Variants in TSGA10 observed in about 807,000 individuals in gnomAD.
TSGA10 encodes testis-specific gene 10 protein.
In TSGA10, 43 loss-of-function variants were observed where a neutral mutation model predicts 96.6. That is an observed-to-expected ratio of 0.44 (90% confidence interval 0.35 to 0.57). The LOEUF is 0.57. Ranked by LOEUF, TSGA10 falls within the 20% of genes least tolerant of loss-of-function variation. The probability of loss-of-function intolerance (pLI) is 0.01; values close to 1 mark genes in which losing one functional copy is unlikely to be tolerated. For synonymous variants in TSGA10, 229 were observed against 269.9 expected (o/e 0.85, Z 1.48); for missense variants, 703 against 834.4 (o/e 0.84, Z 1.94).
At chr2:98,998,958 A>G (rs1299310245) in intron 20 of TSGA10, among the ~76,000 whole-genome samples, 2 of 152,126 alleles carry the variant, frequency 1.3e-5, no homozygotes, top group Non-Finnish European at 2.9e-5. Flanking sequence ...GTGCAGTGAC[A>G]TGATCTCAGC....
chr2:99,009,753 A>G (rs1003116299), intron 20 of TSGA10, among the ~76,000 whole-genome samples: 1 of 152,130 alleles, frequency 6.6e-6, no homozygotes, highest in East Asian at 1.9e-4. Context: ...GAACATATAT[A>G]TAAGTAATGG....
rs150398922 is a variant in TSGA10, at chr2:99,064,158, G to A, written c.1404+781C>T. ...TATAGCTTTTTAAAATTCACTTCCA[G>A]GCATAAATATAGGGAAACATGTAGT... On this transcript the variant is annotated intron_variant, in intron 16 of 20. Coordinates refer to ENST00000393483, the MANE Select transcript of TSGA10 (RefSeq NM_025244.4). 3.3e-5 allele frequency among the ~76,000 whole-genome samples: 5 copies of A among 152,100 alleles called. 1 individual carries two copies. The East Asian group carries it at 9.6e-4, about 29-fold the overall frequency.
intron 18 of TSGA10, 66 bp from the exon 19 acceptor site, chr2:99,018,706 A>G: frequency 7.4e-7 from 1 of 1,347,660 alleles, no homozygotes; most frequent in Non-Finnish European, 1.0e-6. Flanking sequence ...TCTGGGGTAC[A>G]TGAAACCATA....
intron 11 of TSGA10, among the ~76,000 whole-genome samples, chr2:99,079,881 A>C (rs1000335725): frequency 6.6e-6 from 1 of 152,134 alleles, no homozygotes; most frequent in African/African-American, 2.4e-5. Flanking sequence ...CATATGCCAA[A>C]AGCTTGATCT....
At chr2:99,130,238 T>C (rs1017976957) in intron 1 of TSGA10, among the ~76,000 whole-genome samples, 2 of 152,202 alleles carry the variant, frequency 1.3e-5, no homozygotes, top group African/African-American at 2.4e-5. Context: ...GAATTTACAC[T>C]CCCACCAACA....
intron 16 of TSGA10, among the ~76,000 whole-genome samples, chr2:99,038,371 T>C (rs2081861305): frequency 6.6e-6 from 1 of 152,126 alleles, no homozygotes; most frequent in Non-Finnish European, 1.5e-5. Flanking sequence ...GCAGAATTGA[T>C]AAGAATACAC....
At chr2:99,036,465 T>C (rs1486374723) in intron 16 of TSGA10, among the ~76,000 whole-genome samples, 1 of 152,128 alleles carries the variant, frequency 6.6e-6, no homozygotes, top group Non-Finnish European at 1.5e-5. Context: ...AGAGAAGTCA[T>C]ATATTAATCA....
intron 7 of TSGA10, among the ~76,000 whole-genome samples, chr2:99,108,043 A>C (rs1415011414): frequency 1.3e-5 from 2 of 152,050 alleles, no homozygotes; most frequent in South Asian, 4.1e-4. Context: ...GGTAATAGAA[A>C]CTCCATTCAT....
intron 4 of TSGA10, among the ~76,000 whole-genome samples, chr2:99,113,392 A>G (rs2091977755): frequency 6.6e-6 from 1 of 152,090 alleles, no homozygotes; most frequent in Non-Finnish European, 1.5e-5. Context: ...GTGGAGGGAG[A>G]ATAAACTTCC....
chr2:99,053,294 A>G (rs1414644548), intron 16 of TSGA10, among the ~76,000 whole-genome samples: 1 of 151,984 alleles, frequency 6.6e-6, no homozygotes, highest in African/African-American at 2.4e-5. Context: ...GTTTTCTACA[A>G]ATTTTCTACA....
At chr2:99,000,485 G>T (rs956930732) in intron 20 of TSGA10, among the ~76,000 whole-genome samples, 1 of 151,558 alleles carries the variant, frequency 6.6e-6, no homozygotes, top group Non-Finnish European at 1.5e-5. Flanking sequence ...ACTCCAGTCT[G>T]GGGGACAAGA....
Position 99,069,046 on chromosome 2 carries a change from C to T in TSGA10, c.1108-48G>A, listed in dbSNP as rs751178291. The T allele has an allele frequency of 2.4e-5, 24 of 1,008,252 alleles. 1 individual carries two copies. The South Asian group carries it at 2.9e-4, about 12-fold the overall frequency. 62.5% of individuals were successfully genotyped at this position (1,008,252 alleles called of 1,614,324 possible). On this transcript the variant is annotated intron_variant, in intron 14 of 20. Transcript: ENST00000393483. Reference sequence around the variant, plus strand: ...TTTGACTATGAAAAATAAAAAATTTCTATATCTCAAAAATACCATAAACAA... The same window carrying T: ...TTTGACTATGAAAAATAAAAAATTTTTATATCTCAAAAATACCATAAACAA...
At chr2:99,029,207 A>G (rs958792833) in intron 17 of TSGA10, among the ~76,000 whole-genome samples, 2 of 152,156 alleles carry the variant, frequency 1.3e-5, no homozygotes, top group Admixed American at 6.5e-5. Flanking sequence ...GAGATTCTCC[A>G]AAGCACTTCT....
rs1444378128 is a variant in TSGA10, at chr2:99,102,671, CA to C, written c.611+1295del. The C allele has an allele frequency of 1.7e-5, 28 of 1,613,818 alleles. No individual in the cohort carries two copies. In the East Asian group the frequency reaches 6.0e-4, roughly 35 times the overall value. On this transcript the variant is annotated intron_variant, in intron 10 of 20. Coordinates refer to ENST00000393483, the MANE Select transcript of TSGA10 (RefSeq NM_025244.4). ...CTGACAAATTCTATGGTGTAAAGTT[CA>C]GAAATAAGGTTAGTCATATTGATGT...
intron 5 of TSGA10, 124 bp from the exon 6 acceptor site, chr2:99,109,636 A>G (rs1305616853): frequency 1.4e-6 from 1 of 710,216 alleles, no homozygotes. Context: ...GAAAACAAAC[A>G]GGATCCTTAA....
intron 14 of TSGA10, among the ~76,000 whole-genome samples, chr2:99,070,343 A>G (rs2085802400): frequency 6.6e-6 from 1 of 152,132 alleles, no homozygotes; most frequent in Non-Finnish European, 1.5e-5. Context: ...ACACGCAGAG[A>G]GCAAGATTCA....
intron 10 of TSGA10, chr2:99,101,882 A>T (rs2090789436): frequency 1.6e-5 from 9 of 573,418 alleles, no homozygotes; most frequent in Non-Finnish European, 2.8e-5. Flanking sequence ...CCAAGGATTG[A>T]CTGGAGGGGG....
intron 16 of TSGA10, among the ~76,000 whole-genome samples, chr2:99,061,707 T>C (rs149665228): frequency 1.3e-4 from 20 of 152,342 alleles, no homozygotes; most frequent in African/African-American, 4.6e-4. Context: ...ACAGAAATTA[T>C]ATTCCTCACG....
chr2:99,131,281 G>C (rs2093069052), intron 1 of TSGA10, among the ~76,000 whole-genome samples: 1 of 152,144 alleles, frequency 6.6e-6, no homozygotes, highest in Non-Finnish European at 1.5e-5. Flanking sequence ...CCATTTGTTT[G>C]TGTCCTCTCT....
Sources: gnomAD v4.1 joint callset for allele counts (sites outside exome capture counted in the v4.1 genomes callset) on GRCh38, gnomAD v4.1.1 for gene constraint, MANE v1.5 for transcripts, NCBI Gene and HGNC (gene_info 2026-07-23, HGNC 2026-07-21) for gene names.